HEATR5A: variants seen among roughly 807,000 people sequenced by gnomAD.
HEATR5A encodes HEAT repeat containing 5A, also known as HEAT repeat-containing protein 5A.
A neutral mutation model predicts 218.8 loss-of-function variants in HEATR5A; 178 were observed. That is an observed-to-expected ratio of 0.81 (90% CI 0.72 to 0.92). The LOEUF is 0.92. HEATR5A is among the 40% of genes least tolerant of loss of function. The pLI is 0.00. For missense variants in HEATR5A, 2,420 were observed against 2,418.9 expected, an observed-to-expected ratio of 1.00 and a Z score of -0.01; for synonymous variants, 864 against 871.6, an observed-to-expected ratio of 0.99 and a Z score of 0.15.
intron 1 of HEATR5A, among the ~76,000 whole-genome samples, chr14:31,414,088 AT>A (rs2031371197): frequency 6.6e-6 from 1 of 152,144 alleles, no homozygotes; most frequent in African/African-American, 2.4e-5. Context: ...ATTCTTGACT[AT>A]TTTTATTATG....
At position 31,293,356 on chromosome 14, in the gene HEATR5A, A is replaced by G. The variant is rs754304855; in HGVS notation, c.6090T>C (p.Thr2030=). 4 of 1,610,410 alleles carry G rather than the reference A, an allele frequency of 2.5e-6. No individual in the cohort carries two copies. The highest frequency in any genetic ancestry group is 2.2e-5 in the South Asian group (2 of 89,822). The change falls in exon 36 of 36, where the codon ACT becomes ACC. Residue 2030 remains threonine (T), a synonymous_variant. Transcript: ENST00000543095. The part of the protein sequence containing the change: ...VKVKIPTSKY[T]KSPGKNSSIQ... Reference sequence around the variant, plus strand: ...TGCTTGAGTTTTTTCCAGGACTCTTAGTATATTTAGATGTTGGTATCTTGA... The same window carrying G: ...TGCTTGAGTTTTTTCCAGGACTCTTGGTATATTTAGATGTTGGTATCTTGA...
chr14:31,399,343 C>G (rs1162312122), intron 3 of HEATR5A, among the ~76,000 whole-genome samples: 1 of 152,064 alleles, frequency 6.6e-6, no homozygotes, highest in African/African-American at 2.4e-5. Context: ...GATTACACAC[C>G]CTCAAGTTTG....
chr14:31,400,551 T>C (rs2030832528), intron 2 of HEATR5A, 39 bp from the exon 3 acceptor site: 2 of 1,301,726 alleles, frequency 1.5e-6, no homozygotes, highest in East Asian at 2.5e-5. Flanking sequence ...TCAAAGTCAA[T>C]ATAATTATCT....
At position 31,383,720 on chromosome 14, in the gene HEATR5A, C is replaced by A; in HGVS notation, c.1397G>T (p.Arg466Leu). The change falls in exon 10 of 36, where the codon CGA becomes CTA. Residue 466 changes from arginine to leucine, a missense_variant. Physicochemically the swap from Arg to Leu is moderately radical, Grantham distance 102. Coordinates refer to ENST00000543095, the MANE Select transcript of HEATR5A (RefSeq NM_015473.4). ...SVILHPSISV[R>L]LAAAWCLHCI... ...GTGTAAACACCAAGCTGCTGCTAGT[C>A]GAACAGAAATGCTAGGATGAAGAAT... 6.2e-7 allele frequency: 1 copy of A among 1,613,480 alleles called. No homozygotes were observed. The highest frequency in any genetic ancestry group is 1.1e-5 in the South Asian group (1 of 91,030).
chr14:31,384,528 C>CA (rs2030129493), intron 9 of HEATR5A, among the ~76,000 whole-genome samples: 1 of 136,838 alleles, frequency 7.3e-6, no homozygotes, highest in African/African-American at 2.7e-5. Flanking sequence ...AATTCATATA[C>CA]TTTTTTTTTT....
chr14:31,403,199 T>C, intron 1 of HEATR5A, 150 bp from the exon 2 acceptor site: 2 of 461,942 alleles, frequency 4.3e-6, no homozygotes, highest in South Asian at 4.0e-5. Flanking sequence ...AATGTTCTAG[T>C]TAACACTGAC....
At chr14:31,339,712 T>C (rs887612590) in intron 21 of HEATR5A, among the ~76,000 whole-genome samples, 4 of 152,128 alleles carry the variant, frequency 2.6e-5, no homozygotes, top group African/African-American at 7.2e-5. Context: ...TAGAAAGGAA[T>C]GCCATTCATA....
At chr14:31,381,180 A>C (rs951981282) in intron 10 of HEATR5A, among the ~76,000 whole-genome samples, 10 of 152,182 alleles carry the variant, frequency 6.6e-5, no homozygotes, top group African/African-American at 2.4e-4. Context: ...CCCAGGAGGC[A>C]GAGGTTGTAG....
intron 9 of HEATR5A, among the ~76,000 whole-genome samples, chr14:31,385,327 T>C (rs964875302): frequency 1.3e-5 from 2 of 152,166 alleles, no homozygotes; most frequent in East Asian, 3.9e-4. Context: ...AGAGGAGCTC[T>C]CACTATGTTG....
At chr14:31,308,384 G>A (rs940954976) in intron 29 of HEATR5A, among the ~76,000 whole-genome samples, 2 of 151,798 alleles carry the variant, frequency 1.3e-5, no homozygotes, top group South Asian at 4.2e-4. Flanking sequence ...GCGCATGCCT[G>A]TAATCCTAGC....
At chr14:31,412,685 G>A (rs927316828) in intron 1 of HEATR5A, among the ~76,000 whole-genome samples, 4 of 151,902 alleles carry the variant, frequency 2.6e-5, no homozygotes, top group African/African-American at 4.8e-5. Flanking sequence ...GAGGTCAGGA[G>A]TTCCATGGAG....
At chr14:31,384,761 A>AGGT (rs1015816676) in intron 9 of HEATR5A, among the ~76,000 whole-genome samples, 3 of 152,050 alleles carry the variant, frequency 2.0e-5, no homozygotes, top group African/African-American at 7.2e-5. Flanking sequence ...TCCTGACCTC[A>AGGT]GGTGATCCAC....
intron 22 of HEATR5A, among the ~76,000 whole-genome samples, chr14:31,327,286 C>CTTTTTTTTTTTTTTTTTTT (rs71951930): frequency 2.2e-5 from 1 of 45,158 alleles, no homozygotes; most frequent in Non-Finnish European, 4.2e-5. Context: ...TCCAGTGGCA[C>CTTTTTTTTTTTTTTTTTTT]TTTTTTTTTT....
chr14:31,399,092 GTTAA>G (rs2030771059), intron 3 of HEATR5A, among the ~76,000 whole-genome samples: 2 of 152,140 alleles, frequency 1.3e-5, no homozygotes, highest in Non-Finnish European at 2.9e-5. Flanking sequence ...TCAATTTTGA[GTTAA>G]TTTTTTATAC....
rs1022965643 is a variant in HEATR5A, at chr14:31,321,629, G to C, written c.3839C>G (p.Ala1280Gly). Residue 1280 changes from alanine (A) to glycine (G), a missense_variant, in exon 25 of 36, where the codon GCT becomes GGT. By Grantham distance (60) the Ala-to-Gly change is moderately conservative. Coordinates refer to ENST00000543095, the MANE Select transcript of HEATR5A (RefSeq NM_015473.4). ...LADLIRMAFM[A>G]ATDHSDQLRL... is the part of the protein sequence containing the mutation. ...GAGCTGGTCACTGTGATCTGTGGCA[G>C]CCATAAAAGCCATGCGAATTAAGTC... 4 of 1,610,010 alleles carry C rather than the reference G, an allele frequency of 2.5e-6. No individual in the cohort carries two copies. Among genetic ancestry groups the C allele is most frequent in the African/African-American group, 2.7e-5 (2 of 74,820 alleles).
chr14:31,382,074 A>G (rs1260833203), intron 10 of HEATR5A, among the ~76,000 whole-genome samples: 1 of 152,194 alleles, frequency 6.6e-6, no homozygotes, highest in South Asian at 2.1e-4. Context: ...GACAAAACAA[A>G]CCATTCTAGT....
intron 22 of HEATR5A, among the ~76,000 whole-genome samples, chr14:31,332,713 A>ATCAGGC (rs1212757244): frequency 3.3e-5 from 5 of 152,030 alleles, no homozygotes; most frequent in Admixed American, 6.6e-5. Context: ...AGAAGTTCAA[A>ATCAGGC]TCAGGCTCAG....
At chr14:31,379,587 A>G (rs1165026698) in intron 11 of HEATR5A, among the ~76,000 whole-genome samples, 1 of 152,182 alleles carries the variant, frequency 6.6e-6, no homozygotes, top group Admixed American at 6.5e-5. Context: ...AACTTGTATG[A>G]CAACAGAGAC....
chr14:31,354,591 A>G (rs190270966), intron 16 of HEATR5A, among the ~76,000 whole-genome samples: 1 of 152,370 alleles, frequency 6.6e-6, no homozygotes, highest in Admixed American at 6.5e-5. Context: ...CATAAGTAGT[A>G]TCAATTATAA....
Sources: allele counts gnomAD v4.1 joint callset (sites outside exome capture counted in the v4.1 genomes callset), GRCh38; gene constraint gnomAD v4.1.1; transcripts MANE v1.5; gene names NCBI Gene and HGNC (gene_info 2026-07-23, HGNC 2026-07-21).